SLC17A5: variants seen among roughly 807,000 people sequenced by gnomAD.
SLC17A5 encodes sialin.
Under a neutral mutation model 59.4 loss-of-function variants are expected in SLC17A5, and 47 were observed. That is an observed-to-expected ratio of 0.79 (90% confidence interval 0.63 to 1.01). SLC17A5 has a LOEUF of 1.01. SLC17A5 is among the 50% of genes least tolerant of loss of function. SLC17A5 has a pLI of 0.00. For missense variants in SLC17A5, 522 were observed against 595.5 expected (o/e 0.88, Z 1.28); for synonymous variants, 202 against 210.7 (o/e 0.96, Z 0.36).
At chr6:73,608,079 A>G (rs769845381) in intron 9 of SLC17A5, among the ~76,000 whole-genome samples, 3 of 152,148 alleles carry the variant, frequency 2.0e-5, no homozygotes, top group Non-Finnish European at 4.4e-5. Context: ...GCCCGGCTCA[A>G]AATGACTCAT....
At position 73,594,608 on chromosome 6, in the gene SLC17A5, C is replaced by T. The variant is rs760427072; in HGVS notation, c.*469G>A. The T allele has an allele frequency of 3.2e-5, 6 of 188,108 alleles. No individual in the cohort carries two copies. The highest frequency in any genetic ancestry group is 5.5e-5 in the Non-Finnish European group (5 of 90,268). The allele number at this position is 188,108 out of a possible 1,614,324, so 11.7% of individuals were successfully genotyped here. ...CACTCCCCTCAGTCCAGTTGCCAGG[C>T]GAAATTATACAGTGGATGGCAGCTC... is the stretch of plus-strand genomic sequence containing the variant. On this transcript the variant is annotated 3_prime_UTR_variant, in exon 11 of 11. Coordinates refer to ENST00000355773, the MANE Select transcript of SLC17A5 (RefSeq NM_012434.5).
At chr6:73,638,349 T>C in intron 4 of SLC17A5, 63 bp downstream of exon 4, 8 of 1,229,598 alleles carry the variant, frequency 6.5e-6, no homozygotes, top group Non-Finnish European at 7.1e-6. Flanking sequence ...ATGCAGGCCC[T>C]TTTTCCCAAA....
intron 9 of SLC17A5, among the ~76,000 whole-genome samples, chr6:73,602,774 CAA>C (rs71000136): frequency 0.011 from 1,076 of 100,790 alleles, 15 homozygotes; most frequent in African/African-American, 0.034. Flanking sequence ...GACTCCGTCT[CAA>C]AAAAAAAAAA....
At chr6:73,617,898 G>C (rs1767943074) in intron 7 of SLC17A5, among the ~76,000 whole-genome samples, 1 of 151,882 alleles carries the variant, frequency 6.6e-6, no homozygotes, top group African/African-American at 2.4e-5. Context: ...TTCTCTTCAA[G>C]GATAAGATCC....
intron 4 of SLC17A5, 117 bp from the exon 5 acceptor site, chr6:73,636,824 T>C: frequency 1.3e-6 from 1 of 774,680 alleles, no homozygotes. Flanking sequence ...CTCATTCCTG[T>C]AATCCCTGCA....
chr6:73,621,454 T>G (rs192743251), intron 7 of SLC17A5, among the ~76,000 whole-genome samples: 4 of 152,362 alleles, frequency 2.6e-5, no homozygotes, highest in African/African-American at 9.6e-5. Flanking sequence ...TCGGGCATCC[T>G]TACATGTGCT....
In SLC17A5 at chr6:73,653,914, C is replaced by A. The variant is rs1306392942; in HGVS notation, c.-28G>T. ...CGCCTACGTGAGCAGGTGTACTCGC[C>A]ACCTGGCAGAGAAGGGAGCGCCGGC... On this transcript the variant is annotated 5_prime_UTR_variant, in exon 1 of 11. Transcript: ENST00000355773. The A allele has an allele frequency of 1.9e-6, 3 of 1,574,928 alleles. No homozygotes were observed. Among genetic ancestry groups the A allele is most frequent in the Non-Finnish European group, 2.6e-6 (3 of 1,157,532 alleles).
chr6:73,634,155 T>C (rs1240845441), intron 6 of SLC17A5, among the ~76,000 whole-genome samples: 3 of 152,148 alleles, frequency 2.0e-5, no homozygotes, highest in South Asian at 4.1e-4. Flanking sequence ...GATTAAGTGA[T>C]TGAAATCTGG....
chr6:73,645,982 C>A (rs1277240199), intron 1 of SLC17A5, among the ~76,000 whole-genome samples: 2 of 152,122 alleles, frequency 1.3e-5, no homozygotes, highest in East Asian at 3.9e-4. Flanking sequence ...GGATAATCAA[C>A]CTCTTAGTAA....
At chr6:73,650,370 G>A (rs534399155) in intron 1 of SLC17A5, among the ~76,000 whole-genome samples, 1 of 151,340 alleles carries the variant, frequency 6.6e-6, no homozygotes. Context: ...TTAGCCGGGC[G>A]TGGTGGCGGG....
chr6:73,617,972 G>C (rs1767949008), intron 7 of SLC17A5, among the ~76,000 whole-genome samples: 1 of 151,998 alleles, frequency 6.6e-6, no homozygotes, highest in Admixed American at 6.6e-5. Flanking sequence ...GCTCACGTCT[G>C]TAATCCCAGC....
At chr6:73,616,010 C>T (rs1038063220) in intron 7 of SLC17A5, among the ~76,000 whole-genome samples, 3 of 151,268 alleles carry the variant, frequency 2.0e-5, no homozygotes, top group South Asian at 2.1e-4. Context: ...CTCAGCCTCC[C>T]GAGTAGCTGG....
intron 6 of SLC17A5, among the ~76,000 whole-genome samples, chr6:73,634,039 GTTC>G (rs755933040): frequency 1.3e-5 from 2 of 151,900 alleles, no homozygotes; most frequent in Non-Finnish European, 2.9e-5. Context: ...ATGTTTTTAT[GTTC>G]TTCTTTTATT....
chr6:73,608,274 GT>G (rs1162500085), intron 9 of SLC17A5, among the ~76,000 whole-genome samples: 2 of 152,124 alleles, frequency 1.3e-5, no homozygotes, highest in Admixed American at 6.6e-5. Flanking sequence ...GGCCATTGGG[GT>G]TGGTTCATGT....
At chr6:73,629,803 AAAG>A (rs748396222) in intron 6 of SLC17A5, among the ~76,000 whole-genome samples, 4 of 152,060 alleles carry the variant, frequency 2.6e-5, no homozygotes, top group African/African-American at 7.2e-5. Context: ...AGAAGAAAGA[AAAG>A]AAGAAGAACA....
At chr6:73,606,908 C>G (rs999472269) in intron 9 of SLC17A5, among the ~76,000 whole-genome samples, 1 of 152,218 alleles carries the variant, frequency 6.6e-6, no homozygotes, top group Non-Finnish European at 1.5e-5. Context: ...CCTGACATAT[C>G]AAATCTACTA....
At chr6:73,619,110 G>A (rs1256512663) in intron 7 of SLC17A5, among the ~76,000 whole-genome samples, 4 of 152,076 alleles carry the variant, frequency 2.6e-5, no homozygotes, top group Non-Finnish European at 5.9e-5. Context: ...TGGGGTAGTG[G>A]CTGGTTGGCA....
intron 8 of SLC17A5, among the ~76,000 whole-genome samples, chr6:73,613,226 T>A (rs193194905): frequency 5.3e-4 from 80 of 152,290 alleles, no homozygotes; most frequent in African/African-American, 1.9e-3. Flanking sequence ...TTTGATTACA[T>A]CTTGTCTAAA....
At chr6:73,621,418 C>T (rs570702523) in intron 7 of SLC17A5, among the ~76,000 whole-genome samples, 79 of 152,330 alleles carry the variant, frequency 5.2e-4, no homozygotes, top group Non-Finnish European at 9.3e-4. Context: ...GGATTGCAGG[C>T]GTGAGCCACT....
Sources: gnomAD v4.1 joint callset for allele counts (sites outside exome capture counted in the v4.1 genomes callset) on GRCh38, gnomAD v4.1.1 for gene constraint, MANE v1.5 for transcripts, NCBI Gene and HGNC (gene_info 2026-07-23, HGNC 2026-07-21) for gene names.